The following SP100 variants were observed in gnomAD, a reference collection of about 807,000 sequenced individuals.
The protein encoded by SP100 is SP100 nuclear body protein.
SP100 carries 84 observed loss-of-function variants against 130.0 expected under a neutral mutation model. The observed-to-expected ratio is 0.65, with a 90% CI of 0.54 to 0.77. SP100 has a LOEUF of 0.77. Ranked by LOEUF, SP100 falls within the 30% of genes least tolerant of loss-of-function variation. The probability of loss-of-function intolerance (pLI) is 0.00; values close to 1 mark genes in which losing one functional copy is unlikely to be tolerated. For missense variants in SP100, 978 were observed against 1,052.2 expected, an observed-to-expected ratio of 0.93 and a Z score of 0.97; for synonymous variants, 331 against 351.7, an observed-to-expected ratio of 0.94 and a Z score of 0.66.
chr2:230,509,163 G>T (rs1318783058), intron 23 of SP100: 1 of 152,246 alleles, frequency 6.6e-6, no homozygotes, highest in Non-Finnish European at 1.5e-5. Flanking sequence ...GGAGTTCATA[G>T]ACCAGTGGTC....
intron 8 of SP100, 73 bp from the exon 9 acceptor site, chr2:230,461,188 AG>A: frequency 1.4e-6 from 2 of 1,425,776 alleles, no homozygotes; most frequent in East Asian, 2.3e-5. Flanking sequence ...AATTGCAGAG[AG>A]GGGGAGTTAT....
chr2:230,515,314 C>G (rs754650493), intron 24 of SP100: 5 of 1,613,252 alleles, frequency 3.1e-6, no homozygotes, highest in Middle Eastern at 3.3e-4. Context: ...ACCCAAGAGG[C>G]CTCCTTTGGC....
intron 24 of SP100, among the ~76,000 whole-genome samples, chr2:230,536,059 G>A (rs1432874553): frequency 6.6e-6 from 1 of 152,118 alleles, no homozygotes; most frequent in Non-Finnish European, 1.5e-5. Flanking sequence ...CATGGACAAT[G>A]GTTCTTGCTG....
chr2:230,510,775 A>G (rs570738645), intron 23 of SP100: 122 of 317,712 alleles, frequency 3.8e-4, no homozygotes, highest in African/African-American at 2.6e-3. Context: ...GATTACAGGC[A>G]TGAGCCACTG....
intron 8 of SP100, among the ~76,000 whole-genome samples, chr2:230,454,927 T>G (rs1363367175): frequency 6.6e-6 from 1 of 152,212 alleles, no homozygotes; most frequent in Non-Finnish European, 1.5e-5. Context: ...TTCCTTCAGA[T>G]CTATTAATAT....
intron 26 of SP100, 109 bp downstream of exon 26, chr2:230,541,105 C>A: frequency 7.2e-7 from 1 of 1,397,386 alleles, no homozygotes; most frequent in Non-Finnish European, 9.8e-7. Context: ...AACTGCTGGC[C>A]TATGGTGTGC....
intron 4 of SP100, 131 bp downstream of exon 4, chr2:230,444,477 C>T (rs529159747): frequency 3.2e-4 from 227 of 701,582 alleles, no homozygotes; most frequent in Non-Finnish European, 4.9e-4. Context: ...AATAGACATG[C>T]CATGAGTCTT....
intron 24 of SP100, among the ~76,000 whole-genome samples, chr2:230,526,211 A>G (rs1055927840): frequency 3.0e-4 from 46 of 152,168 alleles, no homozygotes; most frequent in Non-Finnish European, 5.6e-4. Flanking sequence ...CTTCCAGAGG[A>G]AGGATCAGGC....
chr2:230,462,723 C>T, intron 10 of SP100: 1 of 535,570 alleles, frequency 1.9e-6, no homozygotes, highest in East Asian at 3.3e-5. Context: ...GAGAATTAGC[C>T]TTCTTTCTTG....
intron 5 of SP100, among the ~76,000 whole-genome samples, 160 bp downstream of exon 5, chr2:230,447,062 C>T (rs2063743043): frequency 6.6e-6 from 1 of 152,092 alleles, no homozygotes. Flanking sequence ...GGAGAAGTGG[C>T]CATGACAAGG....
At chr2:230,466,829 AAGAT>A (rs1366884797) in intron 12 of SP100, among the ~76,000 whole-genome samples, 2 of 152,208 alleles carry the variant, frequency 1.3e-5, no homozygotes, top group Admixed American at 1.3e-4. Context: ...TAAAGAAAGA[AAGAT>A]AATGTGGTGT....
intron 24 of SP100, among the ~76,000 whole-genome samples, chr2:230,523,527 A>G (rs1691274051): frequency 6.6e-6 from 1 of 152,168 alleles, no homozygotes; most frequent in African/African-American, 2.4e-5. Context: ...AAATAAAAGC[A>G]AAACAGTATT....
chr2:230,464,407 A>G (rs2064827053), intron 11 of SP100, among the ~76,000 whole-genome samples: 1 of 152,216 alleles, frequency 6.6e-6, no homozygotes, highest in South Asian at 2.1e-4. Context: ...ATATGCTAGT[A>G]AAATAACAGT....
chr2:230,468,884 G>T (rs1281996990), intron 13 of SP100, 159 bp from the exon 14 acceptor site: 5 of 468,002 alleles, frequency 1.1e-5, no homozygotes, highest in East Asian at 7.1e-5. Context: ...GTGGGTCTGT[G>T]CTCCATTTGA....
At position 230,535,024 on chromosome 2, in the gene SP100, G is replaced by A. The variant is rs531741603; in HGVS notation, c.2095-4243G>A. On this transcript the variant is annotated intron_variant, in intron 24 of 28. Coordinates refer to ENST00000340126, the MANE Select transcript of SP100 (RefSeq NM_001080391.2). ...ACCCTGGCCAAGATGGTGAAACCCCGTCTCTACTAAAAATAAAAAAAATTA... is the reference window on the plus strand; with the variant it reads ...ACCCTGGCCAAGATGGTGAAACCCCATCTCTACTAAAAATAAAAAAAATTA... 5.9e-5 allele frequency among the ~76,000 whole-genome samples: 9 copies of A among 151,858 alleles called. No individual in the cohort carries two copies. The South Asian group carries it at 8.3e-4, about 14-fold the overall frequency.
In SP100 at chr2:230,540,925, T is replaced by C; in HGVS notation, c.2260T>C (p.Cys754Arg). Residue 754 changes from cysteine (C) to arginine (R), a missense_variant, in exon 26 of 29, where the codon TGC (cysteine) becomes CGC (arginine). Physicochemically the swap from Cys to Arg is radical, Grantham distance 180. Transcript: ENST00000340126. ...FCRIKTIQER[C>R]PESQSGHQES... The stretch of plus-strand genomic sequence containing the variant: ...CAGGATAAAGACTATTCAGGAAAGA[T>C]GCCCAGAAAGCCAATCAGGTCATCA... 1.2e-6 allele frequency: 2 copies of C among 1,613,890 alleles called. No individual in the cohort carries two copies. Among genetic ancestry groups the C allele is most frequent in the Non-Finnish European group, 1.7e-6 (2 of 1,179,808 alleles).
chr2:230,443,013 G>A lies in SP100; in HGVS notation c.184G>A (p.Val62Met). 6.2e-7 allele frequency: 1 copy of A among 1,613,812 alleles called. No individual in the cohort carries two copies. The highest frequency in any genetic ancestry group is 8.5e-7 in the Non-Finnish European group (1 of 1,179,718). The part of the protein sequence containing the change: ...IVFKHFKRNK[V>M]EISNAIKKTF... ...ATTCAAGCACTTCAAAAGAAATAAGGTGGAGATTTCAAATGCAATAAAAAA... is the reference window on the plus strand; with the variant it reads ...ATTCAAGCACTTCAAAAGAAATAAGATGGAGATTTCAAATGCAATAAAAAA... Residue 62 changes from valine (V) to methionine (M), a missense_variant, in exon 3 of 29, where the codon GTG (valine) becomes ATG (methionine). By Grantham distance (21) the Val-to-Met change is conservative. Transcript: ENST00000340126.
Position 230,470,106 on chromosome 2 carries a change from A to C in SP100, c.1429+8A>C. On this transcript the variant is annotated splice_region_variant and intron_variant, in intron 15 of 28. Coordinates refer to ENST00000340126, the MANE Select transcript of SP100 (RefSeq NM_001080391.2). ...CCCTAAGAAGAGGGTCAGGTAAAGA[A>C]GATTAGGATGCCAAGACTTGGCCTG... 1 of 1,602,678 alleles carries C rather than the reference A, an allele frequency of 6.2e-7. No individual in the cohort carries two copies. Among genetic ancestry groups the C allele is most frequent in the Non-Finnish European group, 8.5e-7 (1 of 1,174,176 alleles).
Position 230,442,992 on chromosome 2 carries a change from A to C in SP100, c.163A>C (p.Lys55Gln). The C allele has an allele frequency of 6.2e-7, 1 of 1,614,002 alleles. No homozygotes were observed. The highest frequency in any genetic ancestry group is 8.5e-7 in the Non-Finnish European group (1 of 1,179,856). The change falls in exon 3 of 29, where the codon AAG becomes CAG. Residue 55 changes from lysine (K) to glutamine (Q), a missense_variant. Physicochemically the swap from Lys to Gln is moderately conservative, Grantham distance 53. Transcript: ENST00000340126. The part of the protein sequence containing the change: ...DDRLLYDIVF[K>Q]HFKRNKVEIS... ...CAGGCTGCTCTATGACATTGTATTC[A>C]AGCACTTCAAAAGAAATAAGGTGGA...
Sources: gnomAD v4.1 joint callset for allele counts (sites outside exome capture counted in the v4.1 genomes callset) on GRCh38, gnomAD v4.1.1 for gene constraint, MANE v1.5 for transcripts, NCBI Gene and HGNC (gene_info 2026-07-23, HGNC 2026-07-21) for gene names.